Variants in SLC71A2 observed in about 807,000 individuals in gnomAD.
The protein encoded by SLC71A2 is hippocampus abundant transcript-like 1.
At chr9:94,455,985 A>G in the SLC71A2 span, among the ~76,000 whole-genome samples, 1 of 152,226 alleles carries the variant, frequency 6.6e-6, no homozygotes, top group African/African-American at 2.4e-5. Context: ...AGGGAGAAGA[A>G]AAGTTTGTAA....
At chr9:94,397,648 C>G in the SLC71A2 span, among the ~76,000 whole-genome samples, 7 of 152,290 alleles carry the variant, frequency 4.6e-5, no homozygotes, top group East Asian at 7.7e-4. Context: ...TTGGGCTCCT[C>G]TGGACTGTGA....
At chr9:94,459,417 G>C in the SLC71A2 span, 6 of 1,613,026 alleles carry the variant, frequency 3.7e-6, no homozygotes, top group Non-Finnish European at 5.1e-6. Flanking sequence ...CTGTAAACTC[G>C]GCAGAAAGTG....
At chr9:94,410,405 T>G in the SLC71A2 span, among the ~76,000 whole-genome samples, 1 of 36,094 alleles carries the variant, frequency 2.8e-5, no homozygotes, top group African/African-American at 1.2e-4. Context: ...ACTGGGCCTA[T>G]TTTTTTCCCC....
chr9:94,424,610 G>A, the SLC71A2 span, among the ~76,000 whole-genome samples: 1 of 150,158 alleles, frequency 6.7e-6, no homozygotes, highest in Non-Finnish European at 1.5e-5. Flanking sequence ...TTTTATGTCT[G>A]TATATATATA....
At chr9:94,424,294 G>A in the SLC71A2 span, among the ~76,000 whole-genome samples, 7 of 152,092 alleles carry the variant, frequency 4.6e-5, no homozygotes, top group East Asian at 1.4e-3. Flanking sequence ...GAGTGCAGTG[G>A]TGCGATCTCG....
At chr9:94,447,193 T>A in the SLC71A2 span, among the ~76,000 whole-genome samples, 1 of 152,110 alleles carries the variant, frequency 6.6e-6, no homozygotes, top group Non-Finnish European at 1.5e-5. Flanking sequence ...CTTTTTTTTT[T>A]TTTGAGACGG....
the SLC71A2 span, among the ~76,000 whole-genome samples, chr9:94,458,829 A>AT: frequency 6.6e-6 from 1 of 152,316 alleles, no homozygotes; most frequent in Admixed American, 6.5e-5. Context: ...CCTCTAAGCC[A>AT]TATCTATACA....
chr9:94,407,356 A>G, the SLC71A2 span, among the ~76,000 whole-genome samples: 1 of 151,822 alleles, frequency 6.6e-6, no homozygotes, highest in Non-Finnish European at 1.5e-5. Context: ...ATCAATGTGC[A>G]TAAGGAAAAT....
the SLC71A2 span, among the ~76,000 whole-genome samples, chr9:94,456,943 C>T: frequency 6.6e-6 from 1 of 151,528 alleles, no homozygotes; most frequent in East Asian, 2.0e-4. Context: ...TCCCTTCTTC[C>T]CTCTTTTCCC....
At chr9:94,399,924 G>T in the SLC71A2 span, among the ~76,000 whole-genome samples, 1 of 151,696 alleles carries the variant, frequency 6.6e-6, no homozygotes, top group Admixed American at 6.6e-5. Flanking sequence ...TCCTGCCTCA[G>T]CCTCCCGAGT....
the SLC71A2 span, among the ~76,000 whole-genome samples, chr9:94,420,194 C>A: frequency 6.6e-6 from 1 of 152,170 alleles, no homozygotes; most frequent in Non-Finnish European, 1.5e-5. Flanking sequence ...GCTTTTCAAG[C>A]CTCTTGTGGC....
chr9:94,394,003 T>C, the SLC71A2 span, among the ~76,000 whole-genome samples: 1 of 139,468 alleles, frequency 7.2e-6, no homozygotes, highest in African/African-American at 2.7e-5. Context: ...ATTTTCACTC[T>C]TATAGAATGT....
At chr9:94,429,214 A>T in the SLC71A2 span, 21 of 1,604,998 alleles carry the variant, frequency 1.3e-5, no homozygotes, top group Non-Finnish European at 1.7e-5. Context: ...TTTTCTCAAC[A>T]CACATTCCTC....
the SLC71A2 span, among the ~76,000 whole-genome samples, chr9:94,415,520 G>A: frequency 6.6e-6 from 1 of 152,190 alleles, no homozygotes; most frequent in East Asian, 1.9e-4. Flanking sequence ...ATATGTTTAG[G>A]AAGATCCTTA....
At chr9:94,402,614 A>G in the SLC71A2 span, among the ~76,000 whole-genome samples, 1 of 152,254 alleles carries the variant, frequency 6.6e-6, no homozygotes, top group East Asian at 1.9e-4. Context: ...ATCAGATAAG[A>G]TTGTTGCAGA....
At chr9:94,409,196 GTGGTATGA>G in the SLC71A2 span, among the ~76,000 whole-genome samples, 1 of 127,894 alleles carries the variant, frequency 7.8e-6, no homozygotes, top group South Asian at 2.6e-4. Flanking sequence ...CTGGAGTACA[GTGGTATGA>G]TGATGGCTCA....
chr9:94,420,940 A>G, the SLC71A2 span, among the ~76,000 whole-genome samples: 1 of 152,114 alleles, frequency 6.6e-6, no homozygotes, highest in East Asian at 1.9e-4. Flanking sequence ...TAAATGAAAG[A>G]AATTCAAATC....
the SLC71A2 span, chr9:94,456,394 A>AATTCT: frequency 1.7e-5 from 23 of 1,371,770 alleles, no homozygotes; most frequent in Non-Finnish European, 2.0e-5. Flanking sequence ...TCCCTGCTAG[A>AATTCT]AGCAGGAGCA....
the SLC71A2 span, among the ~76,000 whole-genome samples, chr9:94,448,588 A>G: frequency 6.6e-6 from 1 of 152,180 alleles, no homozygotes; most frequent in Admixed American, 6.5e-5. Context: ...AGTTTTCCTG[A>G]GGGTATGGGA....
Sources: allele counts gnomAD v4.1 joint callset (sites outside exome capture counted in the v4.1 genomes callset), GRCh38; gene constraint gnomAD v4.1.1; transcripts MANE v1.5; gene names NCBI Gene and HGNC (gene_info 2026-07-23, HGNC 2026-07-21).